Variants in NCKAP5 observed in about 807,000 individuals in gnomAD.
The protein encoded by NCKAP5 is nck-associated protein 5.
NCKAP5 carries 92 observed loss-of-function variants against 167.0 expected under a neutral mutation model. The ratio of observed to expected loss-of-function variants is 0.55; its 90% confidence interval spans 0.47 to 0.66. The LOEUF (loss-of-function observed/expected upper bound fraction) is 0.66. NCKAP5 is among the 30% of genes least tolerant of loss of function. The pLI is 0.00. For synonymous variants in NCKAP5, 891 were observed against 877.4 expected (o/e 1.02, Z -0.27); for missense variants, 2,378 against 2,315.0 (o/e 1.03, Z -0.56).
intron 5 of NCKAP5, among the ~76,000 whole-genome samples, chr2:133,196,180 C>T (rs1189719898): frequency 6.6e-6 from 1 of 152,140 alleles, no homozygotes; most frequent in East Asian, 1.9e-4. Context: ...TGCCATGGAC[C>T]TTCACAGAAT....
chr2:133,326,403 G>T (rs898366256), intron 3 of NCKAP5, among the ~76,000 whole-genome samples: 1 of 144,930 alleles, frequency 6.9e-6, no homozygotes, highest in Admixed American at 7.1e-5. Flanking sequence ...GCAGTGAGCC[G>T]AGTTCACACC....
chr2:133,128,759 G>C (rs151038369), intron 6 of NCKAP5, among the ~76,000 whole-genome samples: 1 of 151,866 alleles, frequency 6.6e-6, no homozygotes, highest in Non-Finnish European at 1.5e-5. Context: ...CATCATGCCC[G>C]GCTAATTTTT....
At chr2:133,468,528 C>G (rs186352239) in intron 3 of NCKAP5, among the ~76,000 whole-genome samples, 45 of 151,952 alleles carry the variant, frequency 3.0e-4, no homozygotes, top group African/African-American at 1.0e-3. Context: ...CTATTAGGTC[C>G]GCTTGGTGCG....
chr2:133,472,341 A>G (rs1214789478), intron 3 of NCKAP5, among the ~76,000 whole-genome samples: 2 of 152,174 alleles, frequency 1.3e-5, no homozygotes, highest in Non-Finnish European at 2.9e-5. Context: ...ATCTAGTAGC[A>G]TAAGATATCA....
chr2:132,878,969 G>A (rs1691538899), intron 8 of NCKAP5, 53 bp from the exon 9 acceptor site: 2 of 1,393,550 alleles, frequency 1.4e-6, no homozygotes, highest in South Asian at 2.3e-5. Context: ...GTTGTGTTAT[G>A]TGACAACTTA....
At chr2:133,185,553 G>A (rs2084910939) in intron 5 of NCKAP5, among the ~76,000 whole-genome samples, 1 of 151,944 alleles carries the variant, frequency 6.6e-6, no homozygotes, top group South Asian at 2.1e-4. Context: ...ATTGCTTTGG[G>A]CAGTATGGCC....
chr2:133,069,482 A>C (rs1477467393), intron 6 of NCKAP5, among the ~76,000 whole-genome samples: 6 of 152,168 alleles, frequency 3.9e-5, no homozygotes, highest in Admixed American at 3.9e-4. Context: ...TCCCTCAAGG[A>C]CTTCCTCTCT....
At chr2:133,033,317 C>T (rs564406005) in intron 6 of NCKAP5, among the ~76,000 whole-genome samples, 1 of 152,296 alleles carries the variant, frequency 6.6e-6, no homozygotes, top group East Asian at 1.9e-4. Flanking sequence ...GGGGTGCCCC[C>T]AAAGGAAGAT....
chr2:133,198,349 T>C (rs2085529097), intron 5 of NCKAP5, among the ~76,000 whole-genome samples: 1 of 151,990 alleles, frequency 6.6e-6, no homozygotes, highest in South Asian at 2.1e-4. Flanking sequence ...AAACACATCA[T>C]AACCACACTG....
chr2:132,692,154 A>ATTTTTTTTTATTTTT (rs1553472636), intron 19 of NCKAP5, among the ~76,000 whole-genome samples: 2 of 141,764 alleles, frequency 1.4e-5, no homozygotes, highest in African/African-American at 5.7e-5. Flanking sequence ...ATTTTATTTT[A>ATTTTTTTTTATTTTT]TTTTTTGAGA....
intron 6 of NCKAP5, among the ~76,000 whole-genome samples, chr2:133,112,182 T>G (rs1328545114): frequency 6.6e-6 from 1 of 152,118 alleles, no homozygotes; most frequent in African/African-American, 2.4e-5. Flanking sequence ...ATCTTTAAAA[T>G]AGGTATGCTA....
chr2:133,056,170 T>G (rs1355282301), intron 6 of NCKAP5, among the ~76,000 whole-genome samples: 1 of 152,184 alleles, frequency 6.6e-6, no homozygotes, highest in Non-Finnish European at 1.5e-5. Context: ...AAATGCTTGT[T>G]TCTTTTATGC....
intron 6 of NCKAP5, among the ~76,000 whole-genome samples, chr2:133,069,591 C>G (rs1428167339): frequency 6.6e-6 from 1 of 152,116 alleles, no homozygotes; most frequent in Non-Finnish European, 1.5e-5. Context: ...TTTTATTCCC[C>G]AGCCTTTTAG....
chr2:133,212,560 G>T (rs1443791198), intron 5 of NCKAP5, among the ~76,000 whole-genome samples: 2 of 152,094 alleles, frequency 1.3e-5, no homozygotes, highest in African/African-American at 4.8e-5. Context: ...TAGAGACAGG[G>T]TATCACCATG....
chr2:133,438,578 G>T (rs755972209), intron 3 of NCKAP5, among the ~76,000 whole-genome samples: 5 of 152,210 alleles, frequency 3.3e-5, no homozygotes, highest in Non-Finnish European at 7.4e-5. Flanking sequence ...CTATCAACTA[G>T]CATTGAAAAA....
At chr2:133,471,849 A>G (rs1679359584) in intron 3 of NCKAP5, among the ~76,000 whole-genome samples, 1 of 152,206 alleles carries the variant, frequency 6.6e-6, no homozygotes, top group South Asian at 2.1e-4. Flanking sequence ...AGCCATCCCT[A>G]CCTCACTTGA....
chr2:132,972,097 G>GT (rs1189301004), intron 7 of NCKAP5, among the ~76,000 whole-genome samples: 1 of 152,168 alleles, frequency 6.6e-6, no homozygotes, highest in Non-Finnish European at 1.5e-5. Flanking sequence ...GTAAGAGTGG[G>GT]TGTGGCCATT....
intron 6 of NCKAP5, among the ~76,000 whole-genome samples, chr2:133,030,112 C>T (rs951691718): frequency 1.3e-5 from 2 of 152,164 alleles, no homozygotes; most frequent in African/African-American, 4.8e-5. Context: ...TGTAGAAATG[C>T]CGTCACTGGT....
chr2:132,838,682 C>A (rs1489200386), intron 11 of NCKAP5, among the ~76,000 whole-genome samples: 1 of 152,190 alleles, frequency 6.6e-6, no homozygotes, highest in South Asian at 2.1e-4. Flanking sequence ...TCTGCTTTTG[C>A]TTTTTCTCCT....
Sources: allele counts gnomAD v4.1 joint callset (sites outside exome capture counted in the v4.1 genomes callset), GRCh38; gene constraint gnomAD v4.1.1; transcripts MANE v1.5; gene names NCBI Gene and HGNC (gene_info 2026-07-23, HGNC 2026-07-21).